POLR3K: variants seen among roughly 807,000 people sequenced by gnomAD.
POLR3K encodes the protein DNA-directed RNA polymerase III subunit RPC10.
In POLR3K, 11 loss-of-function variants were observed where a neutral mutation model predicts 13.5. That is an observed-to-expected ratio of 0.81 (90% CI 0.51 to 1.35). POLR3K has a LOEUF of 1.35. Ranked by LOEUF, POLR3K falls within the 40% of genes most tolerant of loss-of-function variation. The pLI is 0.00. For synonymous variants in POLR3K, 56 were observed against 51.5 expected (o/e 1.09, Z -0.38); for missense variants, 144 against 145.3 (o/e 0.99, Z 0.05).
At chr16:51,750 G>A in intron 1 of POLR3K, 105 bp from the exon 2 acceptor site, 1 of 884,686 alleles carries the variant, frequency 1.1e-6, no homozygotes, top group Non-Finnish European at 1.8e-6. Context: ...GCTGGGCGTG[G>A]TGGCTGACAC....
intron 2 of POLR3K, 67 bp downstream of exon 2, chr16:51,491 C>T: frequency 7.9e-7 from 1 of 1,264,292 alleles, no homozygotes; most frequent in Non-Finnish European, 1.2e-6. Context: ...TAGACTCTGC[C>T]AAGCAGTGGC....
intron 2 of POLR3K, among the ~76,000 whole-genome samples, chr16:51,052 C>T (rs779846380): frequency 6.6e-6 from 1 of 152,188 alleles, no homozygotes; most frequent in Non-Finnish European, 1.5e-5. Flanking sequence ...TCCCACTGGG[C>T]CCCTCCCAGG....
rs1335971952 is a variant in POLR3K, at chr16:52,799, T to TA, written c.111+676dup. On this transcript the variant is annotated intron_variant, in intron 1 of 2. Transcript: ENST00000293860. ...AAAAAAAAAAAAAAAAAAAAAACAA[T>TA]AAAAAAAAATAAAGAAAGCACACAA... 1.1e-4 allele frequency among the ~76,000 whole-genome samples: 8 copies of TA among 75,012 alleles called. No individual in the cohort carries two copies. In the East Asian group the frequency reaches 2.5e-3, roughly 23 times the overall value. The allele number at this position is 75,012 out of a possible 152,430, so 49.2% of individuals were successfully genotyped here.
At chr16:52,778 AAAAAAAAAAAAAAAAAACAAT>A (rs1377103132) in intron 1 of POLR3K, among the ~76,000 whole-genome samples, 481 of 24,550 alleles carry the variant, frequency 0.02, 11 homozygotes, top group Admixed American at 0.11. Flanking sequence ...AAAAAAAAAA[AAAAAAAAAAAAAAAAAACAAT>A]AAAAAAAAAT....
Position 51,565 on chromosome 16 carries a change from A to G in POLR3K, c.192T>C (p.Ser64=). ...GGAAAWENVD[S]TAESCPKCEH... Reference sequence around the variant, plus strand: ...AACAGTTTTCCCTCTTACCTGCAGTAGAGTCAACATTCTCCCAGGCAGCTG... The same window carrying G: ...AACAGTTTTCCCTCTTACCTGCAGTGGAGTCAACATTCTCCCAGGCAGCTG... The change falls in exon 2 of 3, where the codon TCT becomes TCC. Residue 64 remains serine (S), a synonymous_variant. Transcript: ENST00000293860. 4 of 1,613,310 alleles carry G rather than the reference A, an allele frequency of 2.5e-6. No homozygotes were observed. The highest frequency in any genetic ancestry group is 3.4e-6 in the Non-Finnish European group (4 of 1,179,224).
Position 51,657 on chromosome 16 carries a change from A to T in POLR3K, c.112-12T>A, listed in dbSNP as rs538410511. On this transcript the variant is annotated splice_polypyrimidine_tract_variant and intron_variant, in intron 1 of 2. Transcript: ENST00000293860. Reference sequence around the variant, plus strand: ...TTCCGATTTGTTACCTAACAAAAACAACACTTCAGACTCCAAGTAACTGAA... The same window carrying T: ...TTCCGATTTGTTACCTAACAAAAACTACACTTCAGACTCCAAGTAACTGAA... 1.9e-6 allele frequency: 3 copies of T among 1,606,882 alleles called. No homozygotes were observed. The highest frequency in any genetic ancestry group is 2.7e-5 in the African/African-American group (2 of 74,888).
intron 2 of POLR3K, among the ~76,000 whole-genome samples, chr16:48,285 G>A (rs192908579): frequency 1.3e-3 from 193 of 152,106 alleles, no homozygotes; most frequent in Non-Finnish European, 2.3e-3. Flanking sequence ...TTCCCACCAC[G>A]CTGTAACACT....
Position 47,383 on chromosome 16 carries a change from C to T in POLR3K, c.*47G>A, listed in dbSNP as rs777336111. 6.9e-6 allele frequency: 11 copies of T among 1,593,288 alleles called. No homozygotes were observed. The highest frequency in any genetic ancestry group is 6.7e-5 in the African/African-American group (5 of 74,376). On this transcript the variant is annotated 3_prime_UTR_variant, in exon 3 of 3. Coordinates refer to ENST00000293860, the MANE Select transcript of POLR3K (RefSeq NM_016310.5). ...CATACTGCCAGCTAAGCATCTACCC[C>T]GAGGGACAAGGCAAGCACACACTAG...
intron 2 of POLR3K, among the ~76,000 whole-genome samples, chr16:49,635 A>G (rs1349260851): frequency 6.7e-6 from 1 of 149,376 alleles, no homozygotes; most frequent in African/African-American, 2.5e-5. Context: ...GAGCCTGGCT[A>G]ATTTGTTTTT....
chr16:47,788 G>A (rs1897297162), intron 2 of POLR3K, among the ~76,000 whole-genome samples: 1 of 136,590 alleles, frequency 7.3e-6, no homozygotes, highest in South Asian at 2.4e-4. Flanking sequence ...GGCTGAGGCA[G>A]GAGAATCGCT....
chr16:51,415 A>G (rs1897329517), intron 2 of POLR3K, 143 bp downstream of exon 2: 2 of 691,238 alleles, frequency 2.9e-6, no homozygotes, highest in Non-Finnish European at 4.8e-6. Flanking sequence ...AACAGTAACA[A>G]ATACAAATAA....
chr16:52,752 CG>C (rs1897348986), intron 1 of POLR3K, among the ~76,000 whole-genome samples: 1 of 112,334 alleles, frequency 8.9e-6, no homozygotes, highest in African/African-American at 3.3e-5. Flanking sequence ...GGCGACAGAG[CG>C]GGACTCCGTC....
chr16:51,998 C>T, intron 1 of POLR3K: 1 of 170,174 alleles, frequency 5.9e-6, no homozygotes. Context: ...CCAGCCTGGG[C>T]TACGGAGCAA....
At position 53,563 on chromosome 16, in the gene POLR3K, G is replaced by A; in HGVS notation, c.24C>T (p.Cys8=). 6.2e-7 allele frequency: 1 copy of A among 1,612,954 alleles called. No individual in the cohort carries two copies. The highest frequency in any genetic ancestry group is 8.5e-7 in the Non-Finnish European group (1 of 1,179,656). The stretch of plus-strand genomic sequence containing the variant: ...CCTCCTCCACGATCAGCCCGTTCCC[G>A]CAGCCGGGGCAGAACAGCAGCATGG... MLLFCPG[C]GNGLIVEEGQ... The change falls in exon 1 of 3, where the codon TGC becomes TGT. Residue 8 remains cysteine (C), a synonymous_variant. Coordinates refer to ENST00000293860, the MANE Select transcript of POLR3K (RefSeq NM_016310.5).
At chr16:52,303 C>G (rs1400787248) in intron 1 of POLR3K, among the ~76,000 whole-genome samples, 1 of 151,528 alleles carries the variant, frequency 6.6e-6, no homozygotes, top group Admixed American at 6.6e-5. Flanking sequence ...AAAAATTAGC[C>G]GGGGATGGTG....
intron 2 of POLR3K, among the ~76,000 whole-genome samples, chr16:50,864 G>A (rs1897324861): frequency 6.6e-6 from 1 of 152,192 alleles, no homozygotes; most frequent in Non-Finnish European, 1.5e-5. Flanking sequence ...TGCGTGGCTG[G>A]GGATGCCTCA....
intron 1 of POLR3K, 28 bp from the exon 2 acceptor site, chr16:51,673 A>G (rs1897332103): frequency 5.7e-6 from 9 of 1,582,192 alleles, no homozygotes; most frequent in East Asian, 2.2e-5. Flanking sequence ...TCAGACTCCA[A>G]GTAACTGAAT....
At chr16:51,709 T>G in intron 1 of POLR3K, 64 bp from the exon 2 acceptor site, 1 of 1,361,180 alleles carries the variant, frequency 7.3e-7, no homozygotes, top group Non-Finnish European at 1.0e-6. Flanking sequence ...TGCCAAACCT[T>G]AAATTTCAGG....
intron 2 of POLR3K, among the ~76,000 whole-genome samples, chr16:49,491 G>C (rs1281563117): frequency 7.0e-6 from 1 of 143,824 alleles, no homozygotes; most frequent in Non-Finnish European, 1.5e-5. Context: ...TAGGTAAAAA[G>C]ATTTTTTTTT....
Sources: allele counts gnomAD v4.1 joint callset (sites outside exome capture counted in the v4.1 genomes callset), GRCh38; gene constraint gnomAD v4.1.1; transcripts MANE v1.5; gene names NCBI Gene and HGNC (gene_info 2026-07-23, HGNC 2026-07-21).